DENND2D: variants seen among roughly 807,000 people sequenced by gnomAD.
The protein encoded by DENND2D is DENN domain-containing protein 2D.
Under a neutral mutation model 59.8 loss-of-function variants are expected in DENND2D, and 37 were observed. The observed-to-expected ratio is 0.62, with a 90% confidence interval of 0.48 to 0.81. The LOEUF (loss-of-function observed/expected upper bound fraction) is 0.81, where lower values mean the gene tolerates loss of function less well. DENND2D is among the 40% of genes least tolerant of loss of function. DENND2D has a pLI of 0.00. For missense variants in DENND2D, 525 were observed against 579.7 expected, an observed-to-expected ratio of 0.91 and a Z score of 0.97; for synonymous variants, 219 against 211.3, an observed-to-expected ratio of 1.04 and a Z score of -0.31.
chr1:111,198,731 C>T lies in DENND2D; in HGVS notation c.255G>A (p.Leu85=), dbSNP rs1261805448. 5.0e-6 allele frequency: 8 copies of T among 1,614,172 alleles called. No homozygotes were observed. Among genetic ancestry groups the T allele is most frequent in the Non-Finnish European group, 6.8e-6 (8 of 1,180,032 alleles). ...CCTCCTCCTCCTGCTGACCCCGAAG[C>T]AGGTTCTCCCGCTATAAGGCAAAGG... is the stretch of plus-strand genomic sequence containing the variant. The part of the protein sequence containing the change: ...ITYQFPKREN[L]LRGQQEEEER... The change falls in exon 3 of 12, where the codon CTG becomes CTA. Residue 85 remains leucine, a synonymous_variant. Transcript: ENST00000357640.
At chr1:111,191,454 A>G (rs1047504834) in intron 8 of DENND2D, among the ~76,000 whole-genome samples, 29 of 152,140 alleles carry the variant, frequency 1.9e-4, no homozygotes, top group African/African-American at 7.0e-4. Context: ...GAAAGTCCCT[A>G]TACTGACAAC....
At chr1:111,189,107 C>T in intron 9 of DENND2D, 105 bp downstream of exon 9, 1 of 1,348,856 alleles carries the variant, frequency 7.4e-7, no homozygotes. Context: ...CAGATTCTCA[C>T]TCAACAAAGA....
chr1:111,190,000 T>TA (rs1444925531), intron 8 of DENND2D, among the ~76,000 whole-genome samples: 11 of 151,610 alleles, frequency 7.3e-5, no homozygotes, highest in Non-Finnish European at 1.6e-4. Flanking sequence ...CTGTCTCTAC[T>TA]AAAAACGCAA....
upstream of DENND2D, chr1:111,204,220 GC>G: frequency 2.2e-6 from 3 of 1,385,876 alleles, no homozygotes; most frequent in Admixed American, 3.2e-5. Context: ...CCTCCACCGG[GC>G]CCCAGCCGCC....
At chr1:111,197,087 A>G (rs949649177) in intron 5 of DENND2D, 89 bp downstream of exon 5, 9 of 1,404,726 alleles carry the variant, frequency 6.4e-6, no homozygotes, top group South Asian at 1.2e-5. Flanking sequence ...ATGGGAGAAG[A>G]GCTCCACTAA....
At chr1:111,201,734 G>A (rs1658822119), upstream of DENND2D, among the ~76,000 whole-genome samples, 1 of 152,222 alleles carries the variant, frequency 6.6e-6, no homozygotes, top group African/African-American at 2.4e-5. Context: ...CTCTGGAAGA[G>A]AGTGGGGTGC....
intron 5 of DENND2D, chr1:111,196,865 A>T (rs1208722328): frequency 2.9e-6 from 1 of 342,416 alleles, no homozygotes; most frequent in East Asian, 5.5e-5. Context: ...AGATTATTAT[A>T]TCCATTCGAC....
intron 4 of DENND2D, 170 bp from the exon 5 acceptor site, chr1:111,197,423 G>A: frequency 2.1e-6 from 3 of 1,446,094 alleles, no homozygotes; most frequent in Non-Finnish European, 2.7e-6. Flanking sequence ...AAATCCTTGA[G>A]GGTACTGGGT....
At chr1:111,195,885 A>G in intron 6 of DENND2D, 31 bp downstream of exon 6, 1 of 1,613,710 alleles carries the variant, frequency 6.2e-7, no homozygotes, top group Non-Finnish European at 8.5e-7. Flanking sequence ...CTCTCCAGCT[A>G]GGGAAGGTCT....
At chr1:111,204,137 C>T (rs1379481660), upstream of DENND2D, 2 of 549,110 alleles carry the variant, frequency 3.6e-6, no homozygotes, top group Non-Finnish European at 5.1e-6. Context: ...CGCGCTCCTT[C>T]CCGCTCACCT....
chr1:111,203,435 G>A (rs1659000424), upstream of DENND2D, among the ~76,000 whole-genome samples: 1 of 152,256 alleles, frequency 6.6e-6, no homozygotes, highest in Non-Finnish European at 1.5e-5. Flanking sequence ...TCTGGGCAAA[G>A]TATCTAAGGG....
chr1:111,204,359 C>T, upstream of DENND2D: 4 of 1,441,020 alleles, frequency 2.8e-6, no homozygotes, highest in Non-Finnish European at 3.6e-6. Flanking sequence ...TCCATGGCCC[C>T]TGGAGTGCCC....
At position 111,197,149 on chromosome 1, in the gene DENND2D, G is replaced by GTAGGACAAA. The variant is rs1553243663; in HGVS notation, c.504+26_504+27insTTTGTCCTA. 5.0e-6 allele frequency: 8 copies of GTAGGACAAA among 1,604,774 alleles called. No homozygotes were observed. The East Asian group carries it at 9.0e-5, about 18-fold the overall frequency. On this transcript the variant is annotated intron_variant, in intron 5 of 11. Transcript: ENST00000357640. ...CAGCCAGAGACAGCCTGGAATATGG[G>GTAGGACAAA]CAGGCCCTGAGGAATCCTATCCCTA...
chr1:111,204,433 C>G (rs2101523722), upstream of DENND2D: 1 of 1,280,680 alleles, frequency 7.8e-7, no homozygotes. Context: ...GGGTCCGACA[C>G]TTTCACTTTC....
At chr1:111,190,700 T>C (rs1434691923) in intron 8 of DENND2D, among the ~76,000 whole-genome samples, 3 of 152,242 alleles carry the variant, frequency 2.0e-5, no homozygotes, top group African/African-American at 7.2e-5. Flanking sequence ...TTTCCATTTG[T>C]GACCCTTGGT....
upstream of DENND2D, among the ~76,000 whole-genome samples, chr1:111,203,807 G>A (rs1288777555): frequency 6.6e-6 from 1 of 152,178 alleles, no homozygotes; most frequent in Admixed American, 6.5e-5. Flanking sequence ...GGGGAGACCT[G>A]TGTTTGTGGC....
chr1:111,204,390 C>T (rs1452050257), upstream of DENND2D: 6 of 1,359,692 alleles, frequency 4.4e-6, no homozygotes, highest in Admixed American at 3.9e-5. Flanking sequence ...CCCAGCTCCG[C>T]GCTGGCCCCG....
At chr1:111,197,280 AGTGCTGCAGCC>A in intron 4 of DENND2D, 27 bp from the exon 5 acceptor site, 2 of 1,601,098 alleles carry the variant, frequency 1.2e-6, no homozygotes. Flanking sequence ...AGGCTCCTTC[AGTGCTGCAGCC>A]TCCCCAAGGG....
At chr1:111,187,718 C>T (rs997462887) in intron 11 of DENND2D, 37 bp from the exon 12 acceptor site, 10 of 1,511,788 alleles carry the variant, frequency 6.6e-6, no homozygotes, top group Non-Finnish European at 9.2e-6. Context: ...GGCATCTGAT[C>T]TGGTCAGGCA....
Sources: gnomAD v4.1 joint callset for allele counts (sites outside exome capture counted in the v4.1 genomes callset) on GRCh38, gnomAD v4.1.1 for gene constraint, MANE v1.5 for transcripts, NCBI Gene and HGNC (gene_info 2026-07-23, HGNC 2026-07-21) for gene names.